The following AGBL4 variants were observed in gnomAD, a reference collection of about 807,000 sequenced individuals.
AGBL4 encodes the protein cytosolic carboxypeptidase 6.
Under a neutral mutation model 66.4 loss-of-function variants are expected in AGBL4, and 58 were observed. The ratio of observed to expected loss-of-function variants is 0.87; its 90% CI spans 0.71 to 1.09. The LOEUF (loss-of-function observed/expected upper bound fraction) is 1.09. AGBL4 is among the 50% of genes least tolerant of loss of function. The probability of loss-of-function intolerance (pLI) is 0.00; values close to 1 mark genes in which losing one functional copy is unlikely to be tolerated. For synonymous variants in AGBL4, 234 were observed against 222.9 expected, an observed-to-expected ratio of 1.05 and a Z score of -0.44; for missense variants, 579 against 631.0, an observed-to-expected ratio of 0.92 and a Z score of 0.88.
chr1:48,811,409 T>C (rs1646046504), intron 6 of AGBL4, among the ~76,000 whole-genome samples: 1 of 152,224 alleles, frequency 6.6e-6, no homozygotes, highest in African/African-American at 2.4e-5. Flanking sequence ...TTTTGTGCCT[T>C]CTGTATGTTC....
At chr1:49,006,613 A>G (rs1353611203) in intron 5 of AGBL4, among the ~76,000 whole-genome samples, 2 of 152,080 alleles carry the variant, frequency 1.3e-5, no homozygotes, top group East Asian at 2.0e-4. Flanking sequence ...ACCTCTGCAG[A>G]CTTAAATGTC....
chr1:49,699,145 C>G (rs756479804), intron 2 of AGBL4, among the ~76,000 whole-genome samples: 17 of 152,040 alleles, frequency 1.1e-4, no homozygotes, highest in Non-Finnish European at 1.9e-4. Context: ...ATCAGTAATT[C>G]ATTCAAAAGG....
intron 5 of AGBL4, among the ~76,000 whole-genome samples, chr1:48,869,048 C>T (rs558042576): frequency 6.6e-6 from 1 of 152,298 alleles, no homozygotes; most frequent in East Asian, 1.9e-4. Context: ...TAACTTTGAT[C>T]TGTTTCAGTC....
At chr1:49,094,559 CT>C (rs1430476696) in intron 4 of AGBL4, among the ~76,000 whole-genome samples, 1 of 152,066 alleles carries the variant, frequency 6.6e-6, no homozygotes, top group African/African-American at 2.4e-5. Flanking sequence ...GGTGGATAAG[CT>C]TTTTGATGTG....
At chr1:48,761,658 C>T (rs1004299867) in intron 6 of AGBL4, among the ~76,000 whole-genome samples, 5 of 152,150 alleles carry the variant, frequency 3.3e-5, no homozygotes, top group African/African-American at 1.2e-4. Flanking sequence ...GATCTAGGAA[C>T]AAGGGTGTTT....
At chr1:49,151,554 T>C (rs1488447405) in intron 4 of AGBL4, among the ~76,000 whole-genome samples, 1 of 146,906 alleles carries the variant, frequency 6.8e-6, no homozygotes, top group Non-Finnish European at 1.5e-5. Flanking sequence ...AGAGAATTTG[T>C]GGAATTGTTG....
chr1:48,984,808 T>C (rs1232251860), intron 5 of AGBL4, among the ~76,000 whole-genome samples: 1 of 151,508 alleles, frequency 6.6e-6, no homozygotes, highest in South Asian at 2.1e-4. Context: ...CCTGGAAATA[T>C]AGTAAGAGTT....
At chr1:49,759,656 T>C (rs1460890158) in intron 2 of AGBL4, among the ~76,000 whole-genome samples, 1 of 152,224 alleles carries the variant, frequency 6.6e-6, no homozygotes, top group African/African-American at 2.4e-5. Flanking sequence ...TTATGTAGTA[T>C]CTTTGCAGTT....
chr1:48,831,989 C>T (rs1400763649), intron 6 of AGBL4, among the ~76,000 whole-genome samples: 2 of 152,162 alleles, frequency 1.3e-5, no homozygotes, highest in Non-Finnish European at 2.9e-5. Flanking sequence ...AACACTGAAT[C>T]ATTATCCCAG....
intron 4 of AGBL4, among the ~76,000 whole-genome samples, chr1:49,095,677 C>A (rs559892675): frequency 1.3e-4 from 20 of 151,810 alleles, no homozygotes; most frequent in African/African-American, 4.6e-4. Context: ...ACACCTTATA[C>A]AAAAATCAAT....
At chr1:49,601,853 G>A (rs1558091497) in intron 3 of AGBL4, among the ~76,000 whole-genome samples, 1 of 152,070 alleles carries the variant, frequency 6.6e-6, no homozygotes, top group Non-Finnish European at 1.5e-5. Flanking sequence ...ATTGACAAAT[G>A]GGATCAATTA....
intron 3 of AGBL4, among the ~76,000 whole-genome samples, chr1:49,529,712 T>C (rs1411194730): frequency 6.6e-6 from 1 of 152,014 alleles, no homozygotes. Flanking sequence ...ATTGTTACTA[T>C]TCAATAACAG....
At chr1:49,368,337 GT>G (rs1644279162) in intron 3 of AGBL4, among the ~76,000 whole-genome samples, 3 of 152,168 alleles carry the variant, frequency 2.0e-5, no homozygotes, top group Admixed American at 2.0e-4. Context: ...CAACTAAACT[GT>G]TTTCTATAGA....
chr1:49,430,169 T>G (rs1271486599), intron 3 of AGBL4, among the ~76,000 whole-genome samples: 1 of 152,024 alleles, frequency 6.6e-6, no homozygotes, highest in East Asian at 1.9e-4. Flanking sequence ...ACCATTTCCT[T>G]GTTCACCTCA....
intron 5 of AGBL4, among the ~76,000 whole-genome samples, chr1:48,962,155 G>A (rs1658055176): frequency 6.7e-6 from 1 of 148,376 alleles, no homozygotes; most frequent in Non-Finnish European, 1.5e-5. Flanking sequence ...CATCCAACAG[G>A]TATTTGTTGA....
chr1:48,913,211 T>C (rs1025616318), intron 5 of AGBL4, among the ~76,000 whole-genome samples: 1 of 152,126 alleles, frequency 6.6e-6, no homozygotes, highest in Admixed American at 6.5e-5. Flanking sequence ...AGTGACATGA[T>C]GGTCATCTAA....
chr1:49,572,186 A>T (rs2148871743), intron 3 of AGBL4, among the ~76,000 whole-genome samples: 1 of 152,280 alleles, frequency 6.6e-6, no homozygotes, highest in South Asian at 2.1e-4. Context: ...TTCAACTAAG[A>T]ATACATAGGC....
chr1:49,954,949 A>C (rs1276702892), intron 1 of AGBL4, among the ~76,000 whole-genome samples: 1 of 151,916 alleles, frequency 6.6e-6, no homozygotes, highest in Non-Finnish European at 1.5e-5. Flanking sequence ...TCAAACTAAT[A>C]TTATTTTGGG....
intron 4 of AGBL4, among the ~76,000 whole-genome samples, chr1:49,202,689 A>G (rs1221038402): frequency 1.3e-5 from 2 of 152,146 alleles, no homozygotes; most frequent in Non-Finnish European, 1.5e-5. Flanking sequence ...AGCTTTATAC[A>G]TTGCCATAGG....
Sources: allele counts gnomAD v4.1 joint callset (sites outside exome capture counted in the v4.1 genomes callset), GRCh38; gene constraint gnomAD v4.1.1; transcripts MANE v1.5; gene names NCBI Gene and HGNC (gene_info 2026-07-23, HGNC 2026-07-21).